JMJD1C: variants seen among roughly 807,000 people sequenced by gnomAD.
JMJD1C encodes the protein jumonji domain containing 1C, also known as jumonji domain-containing protein 1C.
Under a neutral mutation model 245.3 loss-of-function variants are expected in JMJD1C, and 31 were observed. The observed-to-expected ratio is 0.13, with a 90% confidence interval of 0.09 to 0.17. JMJD1C has a LOEUF of 0.17. JMJD1C is among the 10% of genes least tolerant of loss of function. JMJD1C has a pLI of 1.00. For synonymous variants in JMJD1C, 1,057 were observed against 1,017.4 expected (o/e 1.04, Z -0.74); for missense variants, 2,691 against 3,000.2 (o/e 0.90, Z 2.41).
intron 1 of JMJD1C, among the ~76,000 whole-genome samples, chr10:63,423,823 A>G (rs1394905927): frequency 6.6e-6 from 1 of 152,152 alleles, no homozygotes; most frequent in African/African-American, 2.4e-5. Context: ...CAGGTTTTGT[A>G]TTTTTTAAAA....
At chr10:63,186,528 G>A in intron 18 of JMJD1C, 145 bp from the exon 19 acceptor site, 1 of 559,154 alleles carries the variant, frequency 1.8e-6, no homozygotes, top group Non-Finnish European at 3.0e-6. Flanking sequence ...CACCCTTTGG[G>A]CTCAATCAAT....
chr10:63,297,846 G>C (rs1859625709), intron 2 of JMJD1C, among the ~76,000 whole-genome samples: 1 of 152,194 alleles, frequency 6.6e-6, no homozygotes, highest in Non-Finnish European at 1.5e-5. Flanking sequence ...CCACACTGCA[G>C]GTGACGAGAA....
chr10:63,306,536 A>G (rs1938263710), intron 2 of JMJD1C, among the ~76,000 whole-genome samples: 1 of 152,240 alleles, frequency 6.6e-6, no homozygotes, highest in African/African-American at 2.4e-5. Flanking sequence ...TTATAAAAGA[A>G]AAAATGTATG....
At chr10:63,224,940 T>C (rs1849063471) in intron 3 of JMJD1C, among the ~76,000 whole-genome samples, 1 of 151,752 alleles carries the variant, frequency 6.6e-6, no homozygotes, top group Non-Finnish European at 1.5e-5. Flanking sequence ...TGGGCGCCTG[T>C]AATCCCAGCT....
At chr10:63,345,982 AGAT>A (rs892758095) in intron 2 of JMJD1C, among the ~76,000 whole-genome samples, 1 of 152,202 alleles carries the variant, frequency 6.6e-6, no homozygotes, top group African/African-American at 2.4e-5. Context: ...AAAAAATTAA[AGAT>A]GATTTATTTT....
At chr10:63,265,605 G>C (rs1030608044) in intron 2 of JMJD1C, among the ~76,000 whole-genome samples, 1 of 152,086 alleles carries the variant, frequency 6.6e-6, no homozygotes, top group African/African-American at 2.4e-5. Flanking sequence ...TAAAATACAA[G>C]TGTCTTATAT....
intron 1 of JMJD1C, among the ~76,000 whole-genome samples, chr10:63,385,608 TTTC>T (rs1947534753): frequency 1.3e-5 from 2 of 151,706 alleles, no homozygotes; most frequent in Non-Finnish European, 2.9e-5. Flanking sequence ...CCGGCTAATG[TTTC>T]TTTTTTAAAT....
At chr10:63,292,560 G>A (rs915050870) in intron 2 of JMJD1C, among the ~76,000 whole-genome samples, 3 of 152,160 alleles carry the variant, frequency 2.0e-5, no homozygotes, top group African/African-American at 4.8e-5. Context: ...GCAACGAGCC[G>A]AGATCACGCC....
At chr10:63,378,548 T>A (rs1331429840) in intron 2 of JMJD1C, among the ~76,000 whole-genome samples, 1 of 151,924 alleles carries the variant, frequency 6.6e-6, no homozygotes, top group Non-Finnish European at 1.5e-5. Flanking sequence ...GCCGAGATCA[T>A]GCCACTGCAC....
intron 10 of JMJD1C, chr10:63,204,500 G>GT: frequency 1.0e-6 from 1 of 985,264 alleles, no homozygotes; most frequent in Non-Finnish European, 1.2e-6. Flanking sequence ...TTTTGTTTTT[G>GT]TTTTTTAAGT....
chr10:63,387,837 G>A (rs561314550), intron 1 of JMJD1C, among the ~76,000 whole-genome samples: 45 of 151,566 alleles, frequency 3.0e-4, no homozygotes, highest in East Asian at 2.3e-3. Context: ...GGGTTTCACC[G>A]TGTTAGCCAG....
At chr10:63,451,220 T>G (rs537431080) in intron 1 of JMJD1C, among the ~76,000 whole-genome samples, 1 of 152,328 alleles carries the variant, frequency 6.6e-6, no homozygotes, top group Non-Finnish European at 1.5e-5. Flanking sequence ...ATCTACAGAT[T>G]CAATACATAC....
intron 16 of JMJD1C, among the ~76,000 whole-genome samples, chr10:63,191,894 A>G (rs1011533990): frequency 5.4e-5 from 1 of 18,610 alleles, no homozygotes; most frequent in Non-Finnish European, 1.4e-4. Context: ...CTGAGGCACA[A>G]GAATCGCTGG....
At chr10:63,292,105 C>T (rs1036316802) in intron 2 of JMJD1C, among the ~76,000 whole-genome samples, 3 of 101,904 alleles carry the variant, frequency 2.9e-5, no homozygotes, top group African/African-American at 1.1e-4. Flanking sequence ...GCACACGCCA[C>T]CATATCTGAC....
At chr10:63,367,364 A>G (rs1385711402) in intron 2 of JMJD1C, among the ~76,000 whole-genome samples, 1 of 152,106 alleles carries the variant, frequency 6.6e-6, no homozygotes, top group Non-Finnish European at 1.5e-5. Context: ...CTCCTGCCTC[A>G]GCCTCCCGAG....
intron 10 of JMJD1C, among the ~76,000 whole-genome samples, chr10:63,205,523 T>C (rs1219419997): frequency 6.6e-6 from 1 of 152,194 alleles, no homozygotes; most frequent in Admixed American, 6.5e-5. Flanking sequence ...ATAAATGAAG[T>C]GATGTGTAAG....
intron 1 of JMJD1C, among the ~76,000 whole-genome samples, chr10:63,383,467 G>C (rs1589635581): frequency 6.6e-6 from 1 of 152,250 alleles, no homozygotes; most frequent in African/African-American, 2.4e-5. Flanking sequence ...GGGAGACACA[G>C]GTGGGAGGAT....
At chr10:63,317,845 C>G (rs1258930527) in intron 2 of JMJD1C, among the ~76,000 whole-genome samples, 1 of 152,070 alleles carries the variant, frequency 6.6e-6, no homozygotes, top group African/African-American at 2.4e-5. Flanking sequence ...GGTCACTGAT[C>G]TTTTTTCTTT....
intron 2 of JMJD1C, among the ~76,000 whole-genome samples, chr10:63,355,635 G>T (rs1014311838): frequency 6.6e-6 from 1 of 152,082 alleles, no homozygotes; most frequent in African/African-American, 2.4e-5. Context: ...TTGGAAAAGA[G>T]AACTTTTCCA....
Sources: allele counts gnomAD v4.1 joint callset (sites outside exome capture counted in the v4.1 genomes callset), GRCh38; gene constraint gnomAD v4.1.1; transcripts MANE v1.5; gene names NCBI Gene and HGNC (gene_info 2026-07-23, HGNC 2026-07-21).